ARHGAP15: variants seen among roughly 807,000 people sequenced by gnomAD.
ARHGAP15 encodes rho GTPase-activating protein 15.
ARHGAP15 carries 51 observed loss-of-function variants against 63.7 expected under a neutral mutation model. The ratio of observed to expected loss-of-function variants is 0.80; its 90% CI spans 0.64 to 1.01. ARHGAP15 has a LOEUF of 1.01. Among genes scored for constraint, ARHGAP15 ranks in the 50% least tolerant of loss-of-function variants. ARHGAP15 has a pLI of 0.00. For synonymous variants in ARHGAP15, 191 were observed against 193.8 expected (o/e 0.99, Z 0.12); for missense variants, 560 against 564.6 (o/e 0.99, Z 0.08).
intron 11 of ARHGAP15, among the ~76,000 whole-genome samples, chr2:143,620,997 C>T (rs1046863392): frequency 1.3e-5 from 2 of 152,186 alleles, no homozygotes; most frequent in African/African-American, 2.4e-5. Flanking sequence ...TGGTAGACTT[C>T]GTAAATCTTT....
chr2:143,138,311 C>T (rs547969033), intron 1 of ARHGAP15, among the ~76,000 whole-genome samples: 55 of 152,026 alleles, frequency 3.6e-4, no homozygotes, highest in African/African-American at 1.3e-3. Context: ...CAAAGCTTCT[C>T]GGTAGGCTGG....
At chr2:143,377,747 A>C (rs1177949752) in intron 6 of ARHGAP15, among the ~76,000 whole-genome samples, 2 of 152,122 alleles carry the variant, frequency 1.3e-5, no homozygotes, top group African/African-American at 4.8e-5. Flanking sequence ...ATATTATAGA[A>C]CATATGCCTT....
intron 2 of ARHGAP15, among the ~76,000 whole-genome samples, chr2:143,160,532 C>T (rs189143204): frequency 1.3e-4 from 19 of 151,992 alleles, no homozygotes; most frequent in South Asian, 2.1e-4. Flanking sequence ...TTTCTATATA[C>T]ATTAGGAGTG....
chr2:143,715,582 T>C (rs1276287028), intron 13 of ARHGAP15, among the ~76,000 whole-genome samples: 2 of 152,236 alleles, frequency 1.3e-5, no homozygotes, highest in Non-Finnish European at 2.9e-5. Flanking sequence ...TTGTTTTTCT[T>C]GTAAATTCGT....
intron 10 of ARHGAP15, among the ~76,000 whole-genome samples, chr2:143,529,496 A>G (rs1347090344): frequency 1.3e-5 from 2 of 152,100 alleles, no homozygotes; most frequent in Non-Finnish European, 2.9e-5. Flanking sequence ...CCCTCTTAGA[A>G]TCCTCCAATG....
intron 6 of ARHGAP15, among the ~76,000 whole-genome samples, chr2:143,255,986 A>G (rs1680405460): frequency 6.6e-6 from 1 of 152,092 alleles, no homozygotes; most frequent in Non-Finnish European, 1.5e-5. Flanking sequence ...GAGAGAACAC[A>G]TGGGTCTGGG....
At chr2:143,143,834 G>A (rs1326708920) in intron 1 of ARHGAP15, among the ~76,000 whole-genome samples, 1 of 151,812 alleles carries the variant, frequency 6.6e-6, no homozygotes, top group African/African-American at 2.4e-5. Flanking sequence ...GTGTCATGGG[G>A]GTTTGTTGTA....
intron 5 of ARHGAP15, chr2:143,235,900 A>T: frequency 6.6e-7 from 1 of 1,525,568 alleles, no homozygotes; most frequent in Non-Finnish European, 8.8e-7. Flanking sequence ...CTAGCACTTC[A>T]TTTGCAGCTT....
intron 10 of ARHGAP15, among the ~76,000 whole-genome samples, chr2:143,541,067 T>G (rs1695024011): frequency 6.6e-6 from 1 of 152,206 alleles, no homozygotes; most frequent in Non-Finnish European, 1.5e-5. Context: ...TTGGAGGCTT[T>G]GTTCGTTTCT....
intron 3 of ARHGAP15, among the ~76,000 whole-genome samples, chr2:143,204,746 TC>T (rs1313027175): frequency 1.3e-5 from 2 of 152,086 alleles, no homozygotes; most frequent in African/African-American, 2.4e-5. Context: ...CCTCTCCCTT[TC>T]TTCTCCTGTC....
At chr2:143,174,957 C>A (rs1397541842) in intron 2 of ARHGAP15, among the ~76,000 whole-genome samples, 1 of 152,074 alleles carries the variant, frequency 6.6e-6, no homozygotes, top group Non-Finnish European at 1.5e-5. Flanking sequence ...TTATTCACTC[C>A]ACTGCTAAAA....
At chr2:143,270,672 T>G (rs1311646834) in intron 6 of ARHGAP15, among the ~76,000 whole-genome samples, 1 of 152,196 alleles carries the variant, frequency 6.6e-6, no homozygotes, top group Non-Finnish European at 1.5e-5. Context: ...GACATAGTAT[T>G]ACTGTTTTAG....
intron 10 of ARHGAP15, among the ~76,000 whole-genome samples, chr2:143,537,589 C>G (rs993381994): frequency 6.6e-6 from 1 of 152,152 alleles, no homozygotes; most frequent in Non-Finnish European, 1.5e-5. Context: ...TTTCAGCTTC[C>G]TACATATGGC....
chr2:143,466,053 A>AT (rs879700731), intron 8 of ARHGAP15, among the ~76,000 whole-genome samples: 60 of 147,928 alleles, frequency 4.1e-4, no homozygotes, highest in South Asian at 1.1e-3. Flanking sequence ...GCATTCCAAA[A>AT]TTTTTTTTTT....
At chr2:143,232,165 A>C (rs193114992) in intron 5 of ARHGAP15, among the ~76,000 whole-genome samples, 3 of 152,322 alleles carry the variant, frequency 2.0e-5, no homozygotes, top group African/African-American at 4.8e-5. Flanking sequence ...AGGAAGAATG[A>C]CCTATTCTGT....
intron 6 of ARHGAP15, among the ~76,000 whole-genome samples, chr2:143,434,946 C>T (rs1019097019): frequency 6.6e-6 from 1 of 152,116 alleles, no homozygotes; most frequent in African/African-American, 2.4e-5. Flanking sequence ...GTCTGAGAGT[C>T]AGGAACCTGA....
intron 6 of ARHGAP15, among the ~76,000 whole-genome samples, chr2:143,271,577 A>G (rs912380322): frequency 2.6e-5 from 4 of 152,150 alleles, no homozygotes; most frequent in South Asian, 2.1e-4. Context: ...CCGGGTTCAC[A>G]CCATTCTCCT....
chr2:143,142,585 G>A (rs1160147509), intron 1 of ARHGAP15, among the ~76,000 whole-genome samples: 2 of 152,062 alleles, frequency 1.3e-5, no homozygotes, highest in Non-Finnish European at 2.9e-5. Flanking sequence ...TGTTATTTTT[G>A]AATCGCATGA....
At chr2:143,438,470 G>A (rs1689716283) in intron 8 of ARHGAP15, among the ~76,000 whole-genome samples, 1 of 151,832 alleles carries the variant, frequency 6.6e-6, no homozygotes, top group Non-Finnish European at 1.5e-5. Flanking sequence ...GAAATTGCAT[G>A]AGAATTTAAG....
Sources: allele counts gnomAD v4.1 joint callset (sites outside exome capture counted in the v4.1 genomes callset), GRCh38; gene constraint gnomAD v4.1.1; transcripts MANE v1.5; gene names NCBI Gene and HGNC (gene_info 2026-07-23, HGNC 2026-07-21).